Variants in LEPR observed in about 807,000 individuals in gnomAD.
LEPR encodes OB receptor.
A neutral mutation model predicts 114.7 loss-of-function variants in LEPR; 56 were observed. The ratio of observed to expected loss-of-function variants is 0.49; its 90% CI spans 0.39 to 0.61. The LOEUF (loss-of-function observed/expected upper bound fraction) is 0.61, where lower values mean the gene tolerates loss of function less well. Among genes scored for constraint, LEPR ranks in the 20% least tolerant of loss-of-function variants. The pLI is 0.00. For synonymous variants in LEPR, 443 were observed against 461.4 expected, an observed-to-expected ratio of 0.96 and a Z score of 0.51; for missense variants, 1,202 against 1,352.9, an observed-to-expected ratio of 0.89 and a Z score of 1.75.
chr1:65,602,847 C>A (rs1656535511), intron 10 of LEPR, among the ~76,000 whole-genome samples: 1 of 152,100 alleles, frequency 6.6e-6, no homozygotes, highest in Non-Finnish European at 1.5e-5. Context: ...TCGTACATTT[C>A]TCAAATAGCT....
rs568381866 is a variant in LEPR, at chr1:65,636,793, G to A, written c.3276G>A (p.Val1092=). 1 of 1,614,014 alleles carries A rather than the reference G, an allele frequency of 6.2e-7. No individual in the cohort carries two copies. The highest frequency in any genetic ancestry group is 1.3e-5 in the African/African-American group (1 of 75,052). ...CAATCAAAAAGAGAGAGAGTGGTGT[G>A]CTTTTGACTGACAAGTCAAGGGTAT... ...VTSIKKRESG[V]LLTDKSRVSC... Residue 1092 remains valine, a synonymous_variant, in exon 20 of 20, where the codon GTG becomes GTA. Transcript: ENST00000349533.
intron 2 of LEPR, among the ~76,000 whole-genome samples, chr1:65,461,284 G>A (rs545683591): frequency 6.6e-6 from 1 of 152,226 alleles, no homozygotes; most frequent in South Asian, 2.1e-4. Context: ...CCCAGATCCA[G>A]TTGTCTAATA....
In LEPR at chr1:65,566,659, G is replaced by A. The variant is rs545590719; in HGVS notation, c.40+1054G>A. 2.0e-5 allele frequency among the ~76,000 whole-genome samples: 3 copies of A among 152,238 alleles called. No homozygotes were observed. In the South Asian group the frequency reaches 6.2e-4, roughly 32 times the overall value. ...TCTTTAACAAAACTTATGTGATTTG[G>A]CAATTGTTTATCTAGCTTTCTTTAA... On this transcript the variant is annotated intron_variant, in intron 3 of 19. Transcript: ENST00000349533.
At position 65,481,554 on chromosome 1, in the gene LEPR, G is replaced by T. The variant is rs190615769; in HGVS notation, c.-21+56176G>T. On this transcript the variant is annotated intron_variant, in intron 2 of 19. Coordinates refer to ENST00000349533, the MANE Select transcript of LEPR (RefSeq NM_002303.6). ...ACTTTAGTTGTATCAGAAAATAAAA[G>T]ATAAGAAAAAGTTGCCCAACTCATT... 2.0e-4 allele frequency among the ~76,000 whole-genome samples: 31 copies of T among 151,990 alleles called. No homozygotes were observed. In the East Asian group the frequency reaches 4.4e-3, roughly 22 times the overall value.
At chr1:65,634,263 G>A in intron 19 of LEPR, 1 of 979,748 alleles carries the variant, frequency 1.0e-6, no homozygotes, top group Non-Finnish European at 1.2e-6. Context: ...TTAACTCGTA[G>A]TTTTATTTGA....
At chr1:65,474,961 C>T (rs745925706) in intron 2 of LEPR, among the ~76,000 whole-genome samples, 3 of 136,026 alleles carry the variant, frequency 2.2e-5, no homozygotes, top group Admixed American at 8.0e-5. Flanking sequence ...GAGCCGAGAT[C>T]GCACCATTGT....
intron 2 of LEPR, among the ~76,000 whole-genome samples, chr1:65,564,097 C>CG (rs1450089605): frequency 1.4e-5 from 2 of 138,874 alleles, no homozygotes; most frequent in African/African-American, 2.6e-5. Flanking sequence ...TGGAGCTTCC[C>CG]GCTGCTTTGT....
At position 65,525,510 on chromosome 1, in the gene LEPR, C is replaced by G. The variant is rs563264100; in HGVS notation, c.-20-40036C>G. The G allele has an allele frequency of 5.8e-6, 3 of 519,070 alleles. No individual in the cohort carries two copies. The South Asian group carries it at 2.5e-4, about 43-fold the overall frequency. 32.2% of individuals were successfully genotyped at this position (519,070 alleles called of 1,614,324 possible). On this transcript the variant is annotated intron_variant, in intron 2 of 19. Coordinates refer to ENST00000349533, the MANE Select transcript of LEPR (RefSeq NM_002303.6). Reference sequence around the variant, plus strand: ...CCCGCCGCCGCCCCCGCCACCTGCGCGACCGCCCTAGCCGCTCGAGTCCGC... The same window carrying G: ...CCCGCCGCCGCCCCCGCCACCTGCGGGACCGCCCTAGCCGCTCGAGTCCGC...
chr1:65,432,939 A>G (rs1026093499), intron 2 of LEPR: 10 of 980,814 alleles, frequency 1.0e-5, no homozygotes, highest in Non-Finnish European at 1.2e-5. Flanking sequence ...TCAATATATA[A>G]TCAAAATAAA....
intron 2 of LEPR, among the ~76,000 whole-genome samples, chr1:65,429,401 G>A (rs1646443306): frequency 6.6e-6 from 1 of 152,162 alleles, no homozygotes. Flanking sequence ...GGAAGAAGTA[G>A]ATAATACCAG....
At chr1:65,467,487 G>A (rs1022445189) in intron 2 of LEPR, among the ~76,000 whole-genome samples, 2 of 152,140 alleles carry the variant, frequency 1.3e-5, no homozygotes, top group African/African-American at 4.8e-5. Flanking sequence ...GCTACACGGG[G>A]GTCAGGGACC....
intron 19 of LEPR, among the ~76,000 whole-genome samples, chr1:65,624,011 G>A (rs1339326166): frequency 6.6e-6 from 1 of 152,024 alleles, no homozygotes; most frequent in East Asian, 1.9e-4. Flanking sequence ...CTAGATCATT[G>A]TACTGTTTTT....
intron 3 of LEPR, among the ~76,000 whole-genome samples, chr1:65,567,672 A>G (rs907978309): frequency 6.6e-6 from 1 of 152,204 alleles, no homozygotes; most frequent in Non-Finnish European, 1.5e-5. Flanking sequence ...GAATATTTTC[A>G]CTGATAATTG....
chr1:65,480,370 A>T lies in LEPR; in HGVS notation c.-21+54992A>T, dbSNP rs558300590. Reference sequence around the variant, plus strand: ...GGCATCCTCAGAAAAGTACAAGAAGATATGGTGTCTATGAACCAGGAGCTG... The same window carrying T: ...GGCATCCTCAGAAAAGTACAAGAAGTTATGGTGTCTATGAACCAGGAGCTG... On this transcript the variant is annotated intron_variant, in intron 2 of 19. Coordinates refer to ENST00000349533, the MANE Select transcript of LEPR (RefSeq NM_002303.6). 2.1e-3 allele frequency among the ~76,000 whole-genome samples: 324 copies of T among 152,268 alleles called. 2 individuals carry two copies. Among genetic ancestry groups the T allele is most frequent in the African/African-American group, 7.3e-3 (303 of 41,570 alleles).
At chr1:65,458,698 A>G (rs1396796290) in intron 2 of LEPR, among the ~76,000 whole-genome samples, 1 of 151,986 alleles carries the variant, frequency 6.6e-6, no homozygotes, top group African/African-American at 2.4e-5. Flanking sequence ...CCTGCTTGGC[A>G]TTGTGTGAGC....
chr1:65,438,463 C>A (rs1161519258), intron 2 of LEPR, among the ~76,000 whole-genome samples: 1 of 146,052 alleles, frequency 6.8e-6, no homozygotes, highest in Non-Finnish European at 1.5e-5. Flanking sequence ...GGCAGGAGAA[C>A]TGCTTGAACC....
intron 2 of LEPR, among the ~76,000 whole-genome samples, chr1:65,554,726 T>A (rs1652686897): frequency 6.6e-6 from 1 of 151,962 alleles, no homozygotes; most frequent in South Asian, 2.1e-4. Flanking sequence ...GTTCTGTCTG[T>A]CTTGCTGGCA....
chr1:65,618,865 T>G (rs1657700852), intron 16 of LEPR, among the ~76,000 whole-genome samples: 1 of 152,192 alleles, frequency 6.6e-6, no homozygotes, highest in South Asian at 2.1e-4. Flanking sequence ...GCTTCTGATA[T>G]CTTCTGCCAA....
chr1:65,521,122 G>A (rs563973033), intron 2 of LEPR, among the ~76,000 whole-genome samples: 5 of 152,328 alleles, frequency 3.3e-5, no homozygotes, highest in South Asian at 2.1e-4. Flanking sequence ...TGATTTTTCC[G>A]TAACAGACGA....
Sources: gnomAD v4.1 joint callset for allele counts (sites outside exome capture counted in the v4.1 genomes callset) on GRCh38, gnomAD v4.1.1 for gene constraint, MANE v1.5 for transcripts, NCBI Gene and HGNC (gene_info 2026-07-23, HGNC 2026-07-21) for gene names.